Variants in ASTN2 observed in about 807,000 individuals in gnomAD.
ASTN2 encodes astrotactin 2.
A neutral mutation model predicts 139.8 loss-of-function variants in ASTN2; 54 were observed. That is an observed-to-expected ratio of 0.39 (90% confidence interval 0.31 to 0.48). The LOEUF is 0.48. ASTN2 is among the 20% of genes least tolerant of loss of function. The pLI is 0.95. For missense variants in ASTN2, 1,565 were observed against 1,725.1 expected (o/e 0.91, Z 1.64); for synonymous variants, 756 against 719.5 (o/e 1.05, Z -0.81).
chr9:117,068,513 C>T (rs934312782), intron 5 of ASTN2, among the ~76,000 whole-genome samples: 2 of 117,688 alleles, frequency 1.7e-5, no homozygotes, highest in South Asian at 6.5e-4. Flanking sequence ...CAGAATGATG[C>T]TGGCCTCATA....
intron 19 of ASTN2, among the ~76,000 whole-genome samples, chr9:116,497,398 T>C (rs1191289782): frequency 2.0e-5 from 3 of 152,190 alleles, no homozygotes; most frequent in Admixed American, 6.5e-5. Context: ...GGACTACAAC[T>C]GTGGTCACAG....
chr9:117,237,833 A>G (rs1833090258), intron 2 of ASTN2, among the ~76,000 whole-genome samples: 1 of 151,832 alleles, frequency 6.6e-6, no homozygotes, highest in Admixed American at 6.6e-5. Flanking sequence ...GTTTCACTTC[A>G]CTCTACCTCC....
chr9:116,425,611 T>C lies in ASTN2; in HGVS notation c.*240A>G. ...AGGTTTAAAAAGGAGAGACTTTTGA[T>C]AGAGTCAAATAATATCTTTGAAAAA... On this transcript the variant is annotated 3_prime_UTR_variant, in exon 23 of 23. Transcript: ENST00000313400. 2 of 1,613,010 alleles carry C rather than the reference T, an allele frequency of 1.2e-6. No individual in the cohort carries two copies. Among genetic ancestry groups the C allele is most frequent in the Non-Finnish European group, 1.7e-6 (2 of 1,179,730 alleles).
At chr9:116,823,350 A>G (rs1012673082) in intron 11 of ASTN2, among the ~76,000 whole-genome samples, 1 of 151,772 alleles carries the variant, frequency 6.6e-6, no homozygotes, top group Non-Finnish European at 1.5e-5. Context: ...CCACTTCACC[A>G]CCCTGTCATT....
intron 9 of ASTN2, among the ~76,000 whole-genome samples, 156 bp downstream of exon 9, chr9:116,975,958 C>T (rs183113613): frequency 2.1e-3 from 314 of 152,310 alleles, no homozygotes; most frequent in South Asian, 4.3e-3. Flanking sequence ...TAGCAACCTG[C>T]GCCATGATGG....
chr9:116,512,584 C>T (rs1286526289), intron 19 of ASTN2, among the ~76,000 whole-genome samples: 2 of 152,138 alleles, frequency 1.3e-5, no homozygotes, highest in African/African-American at 4.8e-5. Context: ...GTTGATCTGT[C>T]TAATGTTGAC....
intron 16 of ASTN2, among the ~76,000 whole-genome samples, chr9:116,660,868 A>G (rs367620481): frequency 2.9e-4 from 44 of 151,950 alleles, no homozygotes; most frequent in African/African-American, 9.2e-4. Flanking sequence ...TCCTCATCCA[A>G]CTCCTCTAGG....
chr9:116,988,723 G>A (rs944756374), intron 7 of ASTN2, among the ~76,000 whole-genome samples: 7 of 152,048 alleles, frequency 4.6e-5, no homozygotes, highest in South Asian at 2.1e-4. Flanking sequence ...AGCACAACCC[G>A]GTGTCTCATC....
chr9:116,746,826 T>C (rs115974954), intron 13 of ASTN2, among the ~76,000 whole-genome samples: 2,725 of 152,270 alleles, frequency 0.018, 87 homozygotes, highest in African/African-American at 0.062. Context: ...CATTGGACCA[T>C]GAGCACTCGA....
intron 3 of ASTN2, among the ~76,000 whole-genome samples, chr9:117,149,980 T>C (rs961388434): frequency 1.3e-5 from 2 of 152,178 alleles, no homozygotes; most frequent in African/African-American, 4.8e-5. Context: ...CAAATATAAA[T>C]TGGAAAACTT....
chr9:116,755,506 A>G (rs984118509), intron 13 of ASTN2, among the ~76,000 whole-genome samples: 4 of 152,376 alleles, frequency 2.6e-5, no homozygotes, highest in Admixed American at 2.0e-4. Flanking sequence ...AAAGGCAGCC[A>G]TCTGCAAGCC....
intron 5 of ASTN2, among the ~76,000 whole-genome samples, chr9:117,068,836 T>C (rs1207997953): frequency 7.5e-6 from 1 of 133,398 alleles, no homozygotes; most frequent in African/African-American, 2.6e-5. Context: ...TTTGTATTTC[T>C]GTGGGATCGG....
intron 22 of ASTN2, chr9:116,437,541 C>G (rs7018569): frequency 0.93 from 438,641 of 471,190 alleles, 204,406 homozygotes; most frequent in East Asian, 0.96. Context: ...GCGGCCCGGC[C>G]GCCTTTCCAG....
chr9:116,991,063 C>A (rs1192640891), intron 7 of ASTN2, among the ~76,000 whole-genome samples: 1 of 152,164 alleles, frequency 6.6e-6, no homozygotes, highest in Admixed American at 6.5e-5. Flanking sequence ...GAAACTCAAA[C>A]CATCTAGTGA....
intron 2 of ASTN2, among the ~76,000 whole-genome samples, chr9:117,264,884 T>C (rs1436715510): frequency 1.3e-5 from 2 of 152,188 alleles, no homozygotes; most frequent in African/African-American, 4.8e-5. Context: ...GGAATGAAGA[T>C]GTTTGTAAGT....
At chr9:117,298,656 GTA>G (rs1317237600) in intron 1 of ASTN2, among the ~76,000 whole-genome samples, 1 of 109,990 alleles carries the variant, frequency 9.1e-6, no homozygotes, top group Non-Finnish European at 1.8e-5. Flanking sequence ...CTTGGTGTGT[GTA>G]TATATATATG....
At chr9:116,843,569 G>C (rs1832335500) in intron 11 of ASTN2, among the ~76,000 whole-genome samples, 1 of 150,646 alleles carries the variant, frequency 6.6e-6, no homozygotes, top group African/African-American at 2.4e-5. Context: ...TGATGGGGGA[G>C]AATTGCTTGA....
At chr9:117,026,649 C>T (rs945104673) in intron 6 of ASTN2, among the ~76,000 whole-genome samples, 15 of 152,192 alleles carry the variant, frequency 9.9e-5, no homozygotes, top group East Asian at 1.9e-4. Flanking sequence ...AATATGGCAG[C>T]GCCTATCAGG....
At chr9:116,559,765 A>G (rs896849480) in intron 19 of ASTN2, among the ~76,000 whole-genome samples, 2 of 152,210 alleles carry the variant, frequency 1.3e-5, no homozygotes. Flanking sequence ...TTACACAGCT[A>G]ATAAGTAACA....
Sources: allele counts gnomAD v4.1 joint callset (sites outside exome capture counted in the v4.1 genomes callset), GRCh38; gene constraint gnomAD v4.1.1; transcripts MANE v1.5; gene names NCBI Gene and HGNC (gene_info 2026-07-23, HGNC 2026-07-21).